LIPI: variants seen among roughly 807,000 people sequenced by gnomAD.
LIPI encodes the protein lipase I.
In LIPI, 59 loss-of-function variants were observed where a neutral mutation model predicts 50.6. That is an observed-to-expected ratio of 1.16 (90% CI 0.94 to 1.45). The LOEUF (loss-of-function observed/expected upper bound fraction) is 1.45. Ranked by LOEUF, LIPI falls within the 40% of genes most tolerant of loss-of-function variation. The pLI is 0.00. For synonymous variants in LIPI, 203 were observed against 178.2 expected, an observed-to-expected ratio of 1.14 and a Z score of -1.11; for missense variants, 586 against 536.3, an observed-to-expected ratio of 1.09 and a Z score of -0.92.
chr21:14,109,979 A>T (rs150243510), intron 9 of LIPI, among the ~76,000 whole-genome samples: 1 of 151,908 alleles, frequency 6.6e-6, no homozygotes, highest in East Asian at 1.9e-4. Flanking sequence ...ATACATTTTG[A>T]ATTACCAAGG....
At chr21:14,133,503 C>T (rs1484422340) in intron 9 of LIPI, among the ~76,000 whole-genome samples, 1 of 152,174 alleles carries the variant, frequency 6.6e-6, no homozygotes, top group East Asian at 1.9e-4. Flanking sequence ...AAATGACAGA[C>T]TCACAGCCAG....
intron 9 of LIPI, among the ~76,000 whole-genome samples, chr21:14,135,699 G>T (rs924206790): frequency 5.9e-5 from 9 of 152,150 alleles, no homozygotes; most frequent in Non-Finnish European, 1.3e-4. Flanking sequence ...AGTACTCTTT[G>T]CCTCTAAGTA....
chr21:14,141,361 A>G (rs2017699772), intron 9 of LIPI, among the ~76,000 whole-genome samples: 1 of 143,320 alleles, frequency 7.0e-6, no homozygotes, highest in African/African-American at 2.6e-5. Flanking sequence ...TACTATTTTA[A>G]TGTTGATACC....
chr21:14,116,819 A>G (rs148837365), intron 9 of LIPI, among the ~76,000 whole-genome samples: 156 of 152,312 alleles, frequency 1.0e-3, no homozygotes, highest in African/African-American at 3.6e-3. Context: ...AACAAAGAAC[A>G]ATAGAAAAGA....
chr21:14,146,202 G>T (rs576948707), intron 8 of LIPI, among the ~76,000 whole-genome samples: 2 of 151,342 alleles, frequency 1.3e-5, no homozygotes, highest in South Asian at 4.2e-4. Context: ...GTCATTTATC[G>T]TGTCCATGTG....
At chr21:14,174,243 G>C (rs1344421781) in intron 4 of LIPI, among the ~76,000 whole-genome samples, 1 of 152,100 alleles carries the variant, frequency 6.6e-6, no homozygotes, top group African/African-American at 2.4e-5. Flanking sequence ...AGATTGGGTG[G>C]GGGGCAGCTT....
chr21:14,196,172 A>AAAAACAAT (rs139955022), intron 1 of LIPI, among the ~76,000 whole-genome samples: 2 of 138,310 alleles, frequency 1.4e-5, no homozygotes, highest in African/African-American at 5.3e-5. Context: ...AAAAAACAAA[A>AAAAACAAT]CAAGAAGTAT....
At chr21:14,208,679 T>C (rs1446850728) in intron 1 of LIPI, among the ~76,000 whole-genome samples, 2 of 152,252 alleles carry the variant, frequency 1.3e-5, no homozygotes, top group Non-Finnish European at 2.9e-5. Flanking sequence ...GCTTTCTTGC[T>C]TTGGTAACAA....
At chr21:14,131,254 A>G (rs566346949) in intron 9 of LIPI, among the ~76,000 whole-genome samples, 19 of 152,206 alleles carry the variant, frequency 1.2e-4, no homozygotes, top group African/African-American at 4.3e-4. Context: ...GGAGGCCCCA[A>G]AATCATCCCT....
At chr21:14,139,206 G>A (rs1407312555) in intron 9 of LIPI, among the ~76,000 whole-genome samples, 2 of 151,978 alleles carry the variant, frequency 1.3e-5, no homozygotes, top group Non-Finnish European at 2.9e-5. Context: ...CAATTTATTA[G>A]TGTATTTTAT....
intron 4 of LIPI, among the ~76,000 whole-genome samples, chr21:14,179,608 A>G (rs1377309174): frequency 6.6e-6 from 1 of 152,212 alleles, no homozygotes; most frequent in Non-Finnish European, 1.5e-5. Context: ...CCCCAAATAG[A>G]GGGACCGGCT....
intron 9 of LIPI, among the ~76,000 whole-genome samples, chr21:14,116,055 G>C (rs946526859): frequency 5.3e-5 from 8 of 152,098 alleles, no homozygotes; most frequent in African/African-American, 1.9e-4. Context: ...TGGGACACAA[G>C]AGAGACTCAT....
chr21:14,171,244 T>C (rs1187645925), intron 4 of LIPI, among the ~76,000 whole-genome samples: 1 of 149,548 alleles, frequency 6.7e-6, no homozygotes, highest in Non-Finnish European at 1.5e-5. Flanking sequence ...GAACATTCCA[T>C]GCTCATGGGT....
chr21:14,191,308 C>T (rs2019665601), intron 1 of LIPI, among the ~76,000 whole-genome samples: 2 of 143,408 alleles, frequency 1.4e-5, no homozygotes, highest in East Asian at 2.1e-4. Flanking sequence ...ACCCGGGAGG[C>T]GGAGCTTGCA....
At position 14,144,675 on chromosome 21, in the gene LIPI, A is replaced by T. The variant is rs151273428; in HGVS notation, c.1243T>A (p.Cys415Ser). The change falls in exon 9 of 10, where the codon TGC becomes AGC. Residue 415 changes from cysteine to serine, a missense_variant. By Grantham distance (112) the Cys-to-Ser change is moderately radical (BLOSUM62 -1). Transcript: ENST00000681601. ...ATGAGACTCTGGATCTTGTATGTGC[A>T]TGTGGAACACTGCAGATTTGAGCTC... ...FQSSNLQCST[C>S]TYKIQSLMLK... 1 of 1,583,862 alleles carries T rather than the reference A, an allele frequency of 6.3e-7. No homozygotes were observed.
rs2018634009 is a variant in LIPI at position 14,165,231 on chromosome 21, G to A, written c.893C>T (p.Pro298Leu). The A allele has an allele frequency of 1.2e-6, 2 of 1,606,186 alleles. No homozygotes were observed. The highest frequency in any genetic ancestry group is 1.7e-6 in the Non-Finnish European group (2 of 1,173,282). ...ATAATAATCTCTCTTACCCAGCCGA[G>A]GACATGATTTTTCCTTAAAACAGTC... ...DCDCFKEKSC[P>L]RLGYQAKLFK... Residue 298 changes from proline (P) to leucine (L), a missense_variant, in exon 6 of 10, where the codon CCT becomes CTT. By Grantham distance (98) the Pro-to-Leu change is moderately conservative. Transcript: ENST00000681601.
intron 8 of LIPI, among the ~76,000 whole-genome samples, chr21:14,146,793 T>TTC (rs1555850556): frequency 7.6e-4 from 100 of 131,038 alleles, no homozygotes; most frequent in African/African-American, 2.8e-3. Context: ...TTTTTTTTTT[T>TTC]TTTTTGAGAT....
intron 8 of LIPI, among the ~76,000 whole-genome samples, chr21:14,146,228 C>T (rs1245413434): frequency 6.6e-6 from 1 of 151,830 alleles, no homozygotes; most frequent in Non-Finnish European, 1.5e-5. Flanking sequence ...CTTAAGGATG[C>T]CTGAAGCTCA....
intron 7 of LIPI, among the ~76,000 whole-genome samples, chr21:14,155,622 A>G (rs2123109696): frequency 6.6e-6 from 1 of 152,178 alleles, no homozygotes; most frequent in East Asian, 1.9e-4. Flanking sequence ...TTGAATCATA[A>G]TGGATTTCAC....
Sources: allele counts gnomAD v4.1 joint callset (sites outside exome capture counted in the v4.1 genomes callset), GRCh38; gene constraint gnomAD v4.1.1; transcripts MANE v1.5; gene names NCBI Gene and HGNC (gene_info 2026-07-23, HGNC 2026-07-21).